CDH23: variants seen among roughly 807,000 people sequenced by gnomAD.
CDH23 encodes cadherin related 23, also known as cadherin-23.
In CDH23, 189 loss-of-function variants were observed where a neutral mutation model predicts 317.1. That is an observed-to-expected ratio of 0.60 (90% CI 0.53 to 0.67). The LOEUF is 0.67. Among genes scored for constraint, CDH23 ranks in the 30% least tolerant of loss-of-function variants. The probability of loss-of-function intolerance (pLI) is 0.00; values close to 1 mark genes in which losing one functional copy is unlikely to be tolerated. For synonymous variants in CDH23, 1,839 were observed against 1,876.8 expected (o/e 0.98, Z 0.52); for missense variants, 4,401 against 4,592.4 (o/e 0.96, Z 1.20).
Position 71,666,577 on chromosome 10 carries a change from G to A in CDH23, c.1450-8535G>A, listed in dbSNP as rs12571510. ...ATTAAATCACTTCCTTCTGAGATGAGAGGGGAAAATCAAGGCTCCAAGCAT... is the reference window on the plus strand; with the variant it reads ...ATTAAATCACTTCCTTCTGAGATGAAAGGGGAAAATCAAGGCTCCAAGCAT... On this transcript the variant is annotated intron_variant, in intron 14 of 69. Transcript: ENST00000224721. Among the ~76,000 whole-genome samples, 187 of 152,144 alleles carry A rather than the reference G, an allele frequency of 1.2e-3. 6 individuals are homozygous for A. In the East Asian group the frequency reaches 0.033, roughly 27 times the overall value.
chr10:71,583,017 G>C (rs1858750678), intron 9 of CDH23, among the ~76,000 whole-genome samples: 1 of 152,214 alleles, frequency 6.6e-6, no homozygotes, highest in South Asian at 2.1e-4. Context: ...GATAAGAAGG[G>C]AGAAAAGATC....
At chr10:71,597,232 C>T (rs1859918525) in intron 9 of CDH23, among the ~76,000 whole-genome samples, 1 of 152,050 alleles carries the variant, frequency 6.6e-6, no homozygotes, top group Admixed American at 6.6e-5. Flanking sequence ...GAGCAGGCAT[C>T]GCCACCTCCT....
intron 3 of CDH23, among the ~76,000 whole-genome samples, chr10:71,494,308 A>C (rs1369787981): frequency 6.6e-6 from 1 of 152,082 alleles, no homozygotes; most frequent in Admixed American, 6.5e-5. Flanking sequence ...TTTGGGGCTA[A>C]TTTCCTGCTT....
At chr10:71,608,863 G>A (rs562701041) in intron 9 of CDH23, among the ~76,000 whole-genome samples, 3 of 152,332 alleles carry the variant, frequency 2.0e-5, no homozygotes, top group Non-Finnish European at 2.9e-5. Context: ...TTCCCAGGCC[G>A]AGTGGGGAGC....
At chr10:71,627,970 T>C (rs1274045858) in intron 11 of CDH23, among the ~76,000 whole-genome samples, 2 of 152,160 alleles carry the variant, frequency 1.3e-5, no homozygotes, top group African/African-American at 4.8e-5. Flanking sequence ...CCCTTCGTTG[T>C]GGGTGCCAGT....
intron 9 of CDH23, among the ~76,000 whole-genome samples, chr10:71,605,088 GTA>G (rs1242091316): frequency 6.6e-6 from 1 of 152,182 alleles, no homozygotes; most frequent in Non-Finnish European, 1.5e-5. Context: ...ACACTGGGGG[GTA>G]TTTTGGTGCA....
intron 9 of CDH23, 89 bp downstream of exon 9, chr10:71,578,081 G>T: frequency 7.6e-7 from 1 of 1,314,408 alleles, no homozygotes; most frequent in South Asian, 1.3e-5. Flanking sequence ...TGAGGGCTAA[G>T]GAGAGGTCTG....
chr10:71,680,769 A>G (rs1414930617), intron 17 of CDH23, among the ~76,000 whole-genome samples: 3 of 145,542 alleles, frequency 2.1e-5, no homozygotes, highest in Non-Finnish European at 4.5e-5. Context: ...AAAAAGAAAA[A>G]GAAATTGCAT....
intron 38 of CDH23, among the ~76,000 whole-genome samples, chr10:71,766,085 T>A (rs1228402536): frequency 6.6e-6 from 1 of 152,210 alleles, no homozygotes; most frequent in Non-Finnish European, 1.5e-5. Context: ...GGACTCCACA[T>A]CTGTGCACAT....
intron 34 of CDH23, 144 bp downstream of exon 34, chr10:71,734,802 C>T (rs1839509371): frequency 3.9e-6 from 2 of 515,600 alleles, no homozygotes; most frequent in South Asian, 1.4e-5. Flanking sequence ...CCAGTGCCTC[C>T]ACTCTCACAC....
chr10:71,786,909 C>T (rs1589420917), intron 44 of CDH23, among the ~76,000 whole-genome samples: 2 of 152,106 alleles, frequency 1.3e-5, no homozygotes, highest in South Asian at 2.1e-4. Context: ...TGGCAGGACT[C>T]GGTGGGCTTA....
At position 71,785,750 on chromosome 10, in the gene CDH23, G is replaced by C; in HGVS notation, c.5820+12G>C. The C allele has an allele frequency of 6.6e-7, 1 of 1,516,790 alleles. No homozygotes were observed. Among genetic ancestry groups the C allele is most frequent in the Non-Finnish European group, 9.1e-7 (1 of 1,101,550 alleles). 94.0% of individuals were successfully genotyped at this position (1,516,790 alleles called of 1,614,324 possible). A position where few individuals can be genotyped will look rare whatever the true frequency, so the allele number is the denominator to read the frequency against. On this transcript the variant is annotated intron_variant, in intron 44 of 69. Transcript: ENST00000224721. ...GCATAGCCAGGAGGGTGAGACTGGA[G>C]GGCACTGGTGGGAGTGGGCTGGGAG...
At chr10:71,576,165 T>C (rs1439954274) in intron 8 of CDH23, among the ~76,000 whole-genome samples, 1 of 152,216 alleles carries the variant, frequency 6.6e-6, no homozygotes, top group African/African-American at 2.4e-5. Context: ...TGCACAAGCC[T>C]GCACCAGCCC....
At chr10:71,484,597 G>A (rs1192608554) in intron 3 of CDH23, among the ~76,000 whole-genome samples, 10 of 152,200 alleles carry the variant, frequency 6.6e-5, no homozygotes, top group Admixed American at 6.5e-4. Context: ...GCCCGGCCCT[G>A]CTCTGCCATC....
chr10:71,779,505 G>C, intron 41 of CDH23, 58 bp downstream of exon 41: 3 of 1,456,888 alleles, frequency 2.1e-6, no homozygotes, highest in Non-Finnish European at 2.8e-6. Flanking sequence ...CCGCTCAGGG[G>C]AGGATAAGAA....
intron 1 of CDH23, among the ~76,000 whole-genome samples, chr10:71,403,856 G>A (rs575827754): frequency 2.2e-4 from 34 of 152,162 alleles, no homozygotes; most frequent in Middle Eastern, 3.4e-3. Flanking sequence ...TTGGGAGGCC[G>A]AGGTGGGTGG....
At position 71,456,112 on chromosome 10, in the gene CDH23, G is replaced by A. The variant is rs535132948; in HGVS notation, c.145+9717G>A. Reference sequence around the variant, plus strand: ...AGGTGCCTCGCAGCTGCTGGGATCTGGAGCTAGAGCGCTTAAGGAGGGGAA... The same window carrying A: ...AGGTGCCTCGCAGCTGCTGGGATCTAGAGCTAGAGCGCTTAAGGAGGGGAA... On this transcript the variant is annotated intron_variant, in intron 3 of 69. Transcript: ENST00000224721. 1.1e-4 allele frequency among the ~76,000 whole-genome samples: 16 copies of A among 151,766 alleles called. No homozygotes were observed. The East Asian group carries it at 3.1e-3, about 29-fold the overall frequency.
At chr10:71,742,624 C>G (rs1839768114) in intron 38 of CDH23, among the ~76,000 whole-genome samples, 1 of 152,176 alleles carries the variant, frequency 6.6e-6, no homozygotes, top group Non-Finnish European at 1.5e-5. Flanking sequence ...CAAGTCAGAA[C>G]CTCTCAGCAT....
chr10:71,648,969 C>T (rs1017536951), intron 14 of CDH23, among the ~76,000 whole-genome samples: 3 of 152,192 alleles, frequency 2.0e-5, no homozygotes, highest in African/African-American at 7.2e-5. Flanking sequence ...GTGGGGACCC[C>T]GCGTGCTGGC....
Sources: allele counts gnomAD v4.1 joint callset (sites outside exome capture counted in the v4.1 genomes callset), GRCh38; gene constraint gnomAD v4.1.1; transcripts MANE v1.5; gene names NCBI Gene and HGNC (gene_info 2026-07-23, HGNC 2026-07-21).